ROBO2: variants seen among roughly 807,000 people sequenced by gnomAD.
The protein encoded by ROBO2 is roundabout guidance receptor 2.
Under a neutral mutation model 160.8 loss-of-function variants are expected in ROBO2, and 53 were observed. The ratio of observed to expected loss-of-function variants is 0.33; its 90% CI spans 0.26 to 0.41. The LOEUF (loss-of-function observed/expected upper bound fraction) is 0.41. Ranked by LOEUF, ROBO2 falls within the 10% of genes least tolerant of loss-of-function variation. The pLI is 1.00. For missense variants in ROBO2, 1,577 were observed against 1,722.4 expected, an observed-to-expected ratio of 0.92 and a Z score of 1.49; for synonymous variants, 664 against 611.7, an observed-to-expected ratio of 1.09 and a Z score of -1.26.
intron 5 of ROBO2, among the ~76,000 whole-genome samples, chr3:77,510,931 G>A (rs999669340): frequency 2.6e-5 from 4 of 152,118 alleles, no homozygotes; most frequent in Non-Finnish European, 5.9e-5. Flanking sequence ...TAAAGACCCA[G>A]ATTTGCATTA....
chr3:76,436,108 T>C (rs72900521), intron 2 of ROBO2, among the ~76,000 whole-genome samples: 9,456 of 149,876 alleles, frequency 0.063, 999 homozygotes, highest in African/African-American at 0.22. Context: ...TTTCTTTCTT[T>C]CTCTGGGATC....
chr3:77,274,862 G>T (rs1171688871), intron 2 of ROBO2, among the ~76,000 whole-genome samples: 1 of 152,036 alleles, frequency 6.6e-6, no homozygotes, highest in Non-Finnish European at 1.5e-5. Flanking sequence ...ACAGTTAAAA[G>T]ATTCTTCTAC....
At chr3:76,146,809 C>A (rs2071916235) in intron 2 of ROBO2, among the ~76,000 whole-genome samples, 1 of 124,126 alleles carries the variant, frequency 8.1e-6, no homozygotes, top group Admixed American at 9.5e-5. Flanking sequence ...CAAGGTAACT[C>A]TGTGGTAATG....
chr3:76,428,611 CAG>C (rs1412706333), intron 2 of ROBO2, among the ~76,000 whole-genome samples: 1 of 151,568 alleles, frequency 6.6e-6, no homozygotes, highest in Non-Finnish European at 1.5e-5. Context: ...TATAGTCTAA[CAG>C]AAACAAAAAA....
chr3:77,246,127 A>G (rs2089691101), intron 2 of ROBO2, among the ~76,000 whole-genome samples: 1 of 152,190 alleles, frequency 6.6e-6, no homozygotes, highest in African/African-American at 2.4e-5. Context: ...TTGTAGCTAG[A>G]AAGCTCTTTC....
chr3:76,806,496 C>T (rs1476155243), intron 2 of ROBO2, among the ~76,000 whole-genome samples: 1 of 151,662 alleles, frequency 6.6e-6, no homozygotes, highest in Non-Finnish European at 1.5e-5. Flanking sequence ...TGTAGTTTGT[C>T]TTCAATAAGT....
At chr3:77,225,341 CT>C (rs1170366239) in intron 2 of ROBO2, among the ~76,000 whole-genome samples, 3 of 151,782 alleles carry the variant, frequency 2.0e-5, no homozygotes, top group Non-Finnish European at 4.4e-5. Context: ...TCCCATTTTA[CT>C]TTTATTAATA....
At chr3:77,163,139 G>A (rs62251814) in intron 2 of ROBO2, among the ~76,000 whole-genome samples, 3,820 of 151,956 alleles carry the variant, frequency 0.025, 63 homozygotes, top group Middle Eastern at 0.058. Flanking sequence ...CCTGGCCAAG[G>A]GTATTACTTT....
chr3:76,620,173 C>G (rs1384948273), intron 2 of ROBO2, among the ~76,000 whole-genome samples: 1 of 151,976 alleles, frequency 6.6e-6, no homozygotes, highest in Non-Finnish European at 1.5e-5. Flanking sequence ...TTTCTTTGTC[C>G]CACCAAATGT....
intron 2 of ROBO2, among the ~76,000 whole-genome samples, chr3:76,180,069 C>T (rs150151111): frequency 0.027 from 4,077 of 152,204 alleles, 76 homozygotes; most frequent in Middle Eastern, 0.048. Flanking sequence ...ACCTCCCCAC[C>T]TGCCCCAAAA....
At chr3:76,991,413 T>C (rs1474609277) in intron 2 of ROBO2, among the ~76,000 whole-genome samples, 1 of 152,166 alleles carries the variant, frequency 6.6e-6, no homozygotes, top group Admixed American at 6.5e-5. Context: ...AGTTTTCACT[T>C]TCTGTGTGTA....
At chr3:76,240,016 G>A (rs563565874) in intron 2 of ROBO2, among the ~76,000 whole-genome samples, 225 of 152,232 alleles carry the variant, frequency 1.5e-3, no homozygotes, top group Middle Eastern at 0.014. Flanking sequence ...TTGCCAAGGA[G>A]GGAGGTGGAT....
intron 2 of ROBO2, among the ~76,000 whole-genome samples, chr3:76,141,151 CTCTCTCTCTATATATA>C (rs1347503539): frequency 6.8e-5 from 3 of 44,282 alleles, no homozygotes; most frequent in African/African-American, 3.1e-4. Flanking sequence ...CTCTCTCTCT[CTCTCTCTCTATATATA>C]TATATATATA....
chr3:76,555,829 C>T (rs1039726302), intron 2 of ROBO2, among the ~76,000 whole-genome samples: 5 of 152,040 alleles, frequency 3.3e-5, no homozygotes, highest in South Asian at 2.1e-4. Context: ...GCCTATAATC[C>T]GAGCACTTTG....
chr3:76,961,596 A>ACAGACCAGAGTTTGAAC (rs1367104879), intron 2 of ROBO2, among the ~76,000 whole-genome samples: 1 of 152,188 alleles, frequency 6.6e-6, no homozygotes, highest in African/African-American at 2.4e-5. Flanking sequence ...TATAGATCAC[A>ACAGACCAGAGTTTGAAC]CAGACCAGAG....
intron 2 of ROBO2, among the ~76,000 whole-genome samples, chr3:76,258,193 G>A (rs927754078): frequency 4.0e-5 from 6 of 151,520 alleles, no homozygotes; most frequent in Non-Finnish European, 7.4e-5. Flanking sequence ...ATTTTATGGT[G>A]TCTTTGTAAG....
chr3:76,594,700 T>C (rs1298570761), intron 2 of ROBO2, among the ~76,000 whole-genome samples: 1 of 152,002 alleles, frequency 6.6e-6, no homozygotes, highest in African/African-American at 2.4e-5. Flanking sequence ...TGGAGCTAAA[T>C]AAGTGAGTGG....
chr3:76,672,254 G>T (rs1189485450), intron 2 of ROBO2, among the ~76,000 whole-genome samples: 1 of 151,918 alleles, frequency 6.6e-6, no homozygotes, highest in Admixed American at 6.6e-5. Context: ...CAAGGACAAA[G>T]GGAGGATTCT....
At chr3:77,410,689 C>T (rs1027558578) in intron 2 of ROBO2, among the ~76,000 whole-genome samples, 17 of 139,180 alleles carry the variant, frequency 1.2e-4, no homozygotes, top group Non-Finnish European at 1.9e-4. Flanking sequence ...TCCTCCTCTT[C>T]CTCCTCCTCT....
Sources: gnomAD v4.1 joint callset for allele counts (sites outside exome capture counted in the v4.1 genomes callset) on GRCh38, gnomAD v4.1.1 for gene constraint, MANE v1.5 for transcripts, NCBI Gene and HGNC (gene_info 2026-07-23, HGNC 2026-07-21) for gene names.